The following GALNT7 variants were observed in gnomAD, a reference collection of about 807,000 sequenced individuals.
The protein encoded by GALNT7 is N-acetylgalactosaminyltransferase 7.
Under a neutral mutation model 82.1 loss-of-function variants are expected in GALNT7, and 60 were observed. That is an observed-to-expected ratio of 0.73 (90% CI 0.59 to 0.91). The LOEUF is 0.91. Ranked by LOEUF, GALNT7 falls within the 40% of genes least tolerant of loss-of-function variation. GALNT7 has a pLI of 0.00. For synonymous variants in GALNT7, 243 were observed against 275.1 expected, an observed-to-expected ratio of 0.88 and a Z score of 1.15; for missense variants, 660 against 804.2, an observed-to-expected ratio of 0.82 and a Z score of 2.17.
chr4:173,219,109 T>C (rs977480847), intron 1 of GALNT7, among the ~76,000 whole-genome samples: 2 of 152,108 alleles, frequency 1.3e-5, no homozygotes, highest in Non-Finnish European at 2.9e-5. Flanking sequence ...CAATGTGTAG[T>C]CTTTTATCCC....
intron 1 of GALNT7, among the ~76,000 whole-genome samples, chr4:173,217,019 C>G (rs1037699277): frequency 4.0e-5 from 6 of 151,822 alleles, no homozygotes; most frequent in African/African-American, 1.2e-4. Context: ...GTGTGAGCCA[C>G]CATGCCTGGC....
intron 1 of GALNT7, among the ~76,000 whole-genome samples, chr4:173,217,740 A>C (rs534072818): frequency 1.8e-4 from 28 of 152,328 alleles, no homozygotes; most frequent in African/African-American, 6.5e-4. Flanking sequence ...TTTAAGACAC[A>C]CAGTGAAGAT....
chr4:173,279,883 A>G (rs975165405), intron 2 of GALNT7, among the ~76,000 whole-genome samples: 5 of 152,114 alleles, frequency 3.3e-5, no homozygotes, highest in Non-Finnish European at 5.9e-5. Context: ...GCTGAGGCAC[A>G]AGAATCACTT....
chr4:173,197,906 C>A (rs1239369863), intron 1 of GALNT7, among the ~76,000 whole-genome samples: 1 of 152,194 alleles, frequency 6.6e-6, no homozygotes, highest in African/African-American at 2.4e-5. Context: ...CAGAGCCTCA[C>A]TTTCCTGGTT....
At chr4:173,307,491 T>G (rs1348189705) in intron 8 of GALNT7, among the ~76,000 whole-genome samples, 1 of 152,180 alleles carries the variant, frequency 6.6e-6, no homozygotes, top group East Asian at 1.9e-4. Flanking sequence ...GCTGAGCTGG[T>G]GCTTGGGACA....
At chr4:173,313,159 G>T (rs1737454598) in intron 8 of GALNT7, among the ~76,000 whole-genome samples, 1 of 152,102 alleles carries the variant, frequency 6.6e-6, no homozygotes, top group African/African-American at 2.4e-5. Context: ...AGTTATAACA[G>T]GATCAATAAA....
In GALNT7 at chr4:173,194,580, G is replaced by A. The variant is rs147606752; in HGVS notation, c.126+25619G>A. 2.6e-3 allele frequency among the ~76,000 whole-genome samples: 396 copies of A among 152,088 alleles called. 4 individuals are homozygous for A. The highest frequency in any genetic ancestry group is 8.6e-3 in the African/African-American group (357 of 41,504). The stretch of plus-strand genomic sequence containing the variant: ...GAATCTAAGCAGTTGTTTCAGAGGC[G>A]GTTTCATGTGAGTCTTTGATTAGGA... On this transcript the variant is annotated intron_variant, in intron 1 of 11. Transcript: ENST00000265000.
At chr4:173,257,478 G>A (rs929155471) in intron 2 of GALNT7, among the ~76,000 whole-genome samples, 1 of 152,168 alleles carries the variant, frequency 6.6e-6, no homozygotes, top group Admixed American at 6.5e-5. Flanking sequence ...CAAGATACAA[G>A]TTGAAAGTGC....
At chr4:173,295,659 A>G (rs906258816) in intron 4 of GALNT7, 105 bp from the exon 5 acceptor site, 10 of 1,121,016 alleles carry the variant, frequency 8.9e-6, no homozygotes, top group South Asian at 1.3e-5. Flanking sequence ...ATGTGTCAGA[A>G]TTGACTATAA....
chr4:173,192,903 G>A (rs1357697591), intron 1 of GALNT7, among the ~76,000 whole-genome samples: 1 of 152,116 alleles, frequency 6.6e-6, no homozygotes, highest in Non-Finnish European at 1.5e-5. Flanking sequence ...CTCTCTCCTG[G>A]GATTTTTGAA....
chr4:173,246,373 C>T (rs1180499393), intron 1 of GALNT7, among the ~76,000 whole-genome samples: 1 of 151,924 alleles, frequency 6.6e-6, no homozygotes, highest in Non-Finnish European at 1.5e-5. Context: ...AAATTTATGT[C>T]CCATCTTCAA....
intron 8 of GALNT7, among the ~76,000 whole-genome samples, chr4:173,309,667 G>C (rs1737304839): frequency 6.6e-6 from 1 of 152,156 alleles, no homozygotes; most frequent in Non-Finnish European, 1.5e-5. Context: ...CAAGTTTATT[G>C]TTGGCTGTAG....
intron 1 of GALNT7, among the ~76,000 whole-genome samples, chr4:173,244,197 C>G (rs1366260153): frequency 6.6e-6 from 1 of 152,158 alleles, no homozygotes; most frequent in African/African-American, 2.4e-5. Flanking sequence ...CACAGGGACC[C>G]TGTGGTCTGC....
At chr4:173,239,951 A>AATAT (rs1734366897) in intron 1 of GALNT7, among the ~76,000 whole-genome samples, 1 of 152,212 alleles carries the variant, frequency 6.6e-6, no homozygotes, top group Non-Finnish European at 1.5e-5. Flanking sequence ...AGTAAATATA[A>AATAT]CGGATTTGTT....
At chr4:173,190,552 A>T (rs1009594258) in intron 1 of GALNT7, among the ~76,000 whole-genome samples, 8 of 152,010 alleles carry the variant, frequency 5.3e-5, no homozygotes, top group Non-Finnish European at 8.8e-5. Context: ...ATCTAGTGTA[A>T]ATCTGATCTT....
intron 11 of GALNT7, among the ~76,000 whole-genome samples, chr4:173,321,290 A>G (rs1336178089): frequency 6.6e-6 from 1 of 152,186 alleles, no homozygotes; most frequent in East Asian, 1.9e-4. Context: ...GGATAGGAAC[A>G]AGAGACATAG....
chr4:173,278,434 G>A lies in GALNT7; in HGVS notation c.588-13674G>A, dbSNP rs78672419. Among the ~76,000 whole-genome samples, 708 of 152,300 alleles carry A rather than the reference G, an allele frequency of 4.6e-3. 4 individuals carry two copies. Among genetic ancestry groups the A allele is most frequent in the Middle Eastern group, 0.01 (3 of 294 alleles). ...GACCTCATATTCCTCCATATAAACAGTAGATAAAGTGGAATCATATTAGTC... is the reference window on the plus strand; with the variant it reads ...GACCTCATATTCCTCCATATAAACAATAGATAAAGTGGAATCATATTAGTC... On this transcript the variant is annotated intron_variant, in intron 2 of 11. Transcript: ENST00000265000.
chr4:173,232,743 T>C (rs1386352627), intron 1 of GALNT7, among the ~76,000 whole-genome samples: 4 of 152,198 alleles, frequency 2.6e-5, no homozygotes, highest in African/African-American at 9.7e-5. Context: ...CTTTTCTTTG[T>C]GTCGGGAATG....
Position 173,288,282 on chromosome 4 carries a change from C to CAAAAAA in GALNT7, c.588-3808_588-3803dup, listed in dbSNP as rs70944442. ...TGGGCGACAGAGCGAGACTCCATCT[C>CAAAAAA]AAAAAAAAAAAAAAAAAAAAAAAGA... On this transcript the variant is annotated intron_variant, in intron 2 of 11. Coordinates refer to ENST00000265000, the MANE Select transcript of GALNT7 (RefSeq NM_017423.3). 2.4e-3 allele frequency among the ~76,000 whole-genome samples: 150 copies of CAAAAAA among 62,898 alleles called. 3 individuals are homozygous for CAAAAAA. Among genetic ancestry groups the CAAAAAA allele is most frequent in the South Asian group, 0.016 (26 of 1,628 alleles). 41.3% of individuals were successfully genotyped at this position (62,898 alleles called of 152,430 possible).
Sources: gnomAD v4.1 joint callset for allele counts (sites outside exome capture counted in the v4.1 genomes callset) on GRCh38, gnomAD v4.1.1 for gene constraint, MANE v1.5 for transcripts, NCBI Gene and HGNC (gene_info 2026-07-23, HGNC 2026-07-21) for gene names.